MMP26: variants seen among roughly 807,000 people sequenced by gnomAD.
MMP26 encodes matrix metalloproteinase-26.
Under a neutral mutation model 31.0 loss-of-function variants are expected in MMP26, and 33 were observed. The observed-to-expected ratio is 1.06, with a 90% CI of 0.81 to 1.42. The LOEUF (loss-of-function observed/expected upper bound fraction) is 1.42. Among genes scored for constraint, MMP26 ranks in the 40% most tolerant of loss-of-function variants. MMP26 has a pLI of 0.00. For missense variants in MMP26, 347 were observed against 316.1 expected, an observed-to-expected ratio of 1.10 and a Z score of -0.74; for synonymous variants, 122 against 114.9, an observed-to-expected ratio of 1.06 and a Z score of -0.40.
chr11:4,727,077 T>C (rs1848110774), intron 1 of MMP26, among the ~76,000 whole-genome samples: 1 of 152,112 alleles, frequency 6.6e-6, no homozygotes, highest in African/African-American at 2.4e-5. Flanking sequence ...CTATTTTCTA[T>C]GATAAGAAAA....
chr11:4,989,582 C>G, intron 3 of MMP26, 66 bp from the exon 4 acceptor site: 1 of 1,320,658 alleles, frequency 7.6e-7, no homozygotes, highest in Non-Finnish European at 1.1e-6. Flanking sequence ...AGGCTATGCC[C>G]AGGGTAACTG....
chr11:4,908,426 G>T, intron 2 of MMP26: 4 of 842,522 alleles, frequency 4.7e-6, no homozygotes, highest in Non-Finnish European at 7.8e-6. Context: ...GAAAAGCTAT[G>T]TAGTGCAGAA....
intron 2 of MMP26, among the ~76,000 whole-genome samples, chr11:4,935,112 A>G (rs1267798059): frequency 6.0e-5 from 9 of 151,166 alleles, no homozygotes; most frequent in South Asian, 2.1e-4. Context: ...ATTCTGTGAA[A>G]AAAGTCATTG....
At chr11:4,790,517 C>G (rs60249619) in intron 2 of MMP26, among the ~76,000 whole-genome samples, 14,384 of 152,208 alleles carry the variant, frequency 0.095, 850 homozygotes, top group Middle Eastern at 0.15. Flanking sequence ...CCTCTTATTT[C>G]TTCCAGAAGA....
At chr11:4,814,750 G>A (rs548306691) in intron 2 of MMP26, among the ~76,000 whole-genome samples, 8 of 152,186 alleles carry the variant, frequency 5.3e-5, no homozygotes, top group East Asian at 3.9e-4. Context: ...CTCATCCACC[G>A]TATTAATAAA....
intron 2 of MMP26, chr11:4,915,695 C>A (rs760839757): frequency 6.7e-7 from 1 of 1,501,308 alleles, no homozygotes; most frequent in African/African-American, 1.4e-5. Flanking sequence ...AGGTGGGTGC[C>A]CTCCAAAATC....
chr11:4,963,485 T>C (rs543561804), intron 2 of MMP26, among the ~76,000 whole-genome samples: 2 of 152,148 alleles, frequency 1.3e-5, no homozygotes, highest in Non-Finnish European at 2.9e-5. Flanking sequence ...CTTCAAACTA[T>C]ACTACAAGGC....
chr11:4,863,394 T>C (rs1353853515), intron 2 of MMP26, among the ~76,000 whole-genome samples: 1 of 152,106 alleles, frequency 6.6e-6, no homozygotes, highest in Non-Finnish European at 1.5e-5. Context: ...CCATAGTATA[T>C]GTCTTCTTCT....
chr11:4,766,211 A>G (rs1848626921), intron 1 of MMP26, among the ~76,000 whole-genome samples: 1 of 152,140 alleles, frequency 6.6e-6, no homozygotes. Flanking sequence ...CACATTCCCA[A>G]CAGATTTATG....
intron 2 of MMP26, among the ~76,000 whole-genome samples, chr11:4,890,758 A>C (rs1481966381): frequency 6.6e-6 from 1 of 152,002 alleles, no homozygotes; most frequent in Non-Finnish European, 1.5e-5. Flanking sequence ...TTCTAAACAG[A>C]CTGTAATAAA....
intron 2 of MMP26, among the ~76,000 whole-genome samples, chr11:4,886,904 T>A (rs1319575767): frequency 1.3e-5 from 2 of 151,910 alleles, no homozygotes; most frequent in Non-Finnish European, 2.9e-5. Flanking sequence ...CATATGTGAT[T>A]TGTTTGCTTA....
chr11:4,907,353 C>G, intron 2 of MMP26: 659 of 1,439,220 alleles, frequency 4.6e-4, no homozygotes, highest in Non-Finnish European at 5.8e-4. Flanking sequence ...GGCTAACGAG[C>G]TCATATCTCC....
At chr11:4,915,367 A>G (rs1851066917) in intron 2 of MMP26, 5 of 1,614,106 alleles carry the variant, frequency 3.1e-6, no homozygotes, top group Non-Finnish European at 4.2e-6. Flanking sequence ...AGCAGGCATC[A>G]TGGCTAATTT....
At position 4,958,761 on chromosome 11, in the gene MMP26, C is replaced by T. The variant is rs371049346; in HGVS notation, c.-144-29307C>T. On this transcript the variant is annotated intron_variant, in intron 2 of 7. Transcript: ENST00000380390. Reference sequence around the variant, plus strand: ...CCTCTTGAGCTTTTGAATTGTTTTCCTTGAATTAAACTACATTTCCTCAGG... The same window carrying T: ...CCTCTTGAGCTTTTGAATTGTTTTCTTTGAATTAAACTACATTTCCTCAGG... Among the ~76,000 whole-genome samples, 29 of 152,194 alleles carry T rather than the reference C, an allele frequency of 1.9e-4. No homozygotes were observed. In the East Asian group the frequency reaches 3.5e-3, roughly 18 times the overall value.
chr11:4,989,518 A>G, intron 3 of MMP26, 130 bp from the exon 4 acceptor site: 2 of 648,782 alleles, frequency 3.1e-6, no homozygotes, highest in East Asian at 2.7e-5. Context: ...CTGACTGAGA[A>G]CAGGAGACTT....
Position 4,989,638 on chromosome 11 carries a change from T to C in MMP26, c.100-10T>C, listed in dbSNP as rs776385180. ...GACTCTTAGTACTCATCCTTCTTGA[T>C]CTGATTCAGGGCTATTTCCATCAAT... On this transcript the variant is annotated splice_polypyrimidine_tract_variant and intron_variant, in intron 3 of 7. Coordinates refer to ENST00000380390, the MANE Select transcript of MMP26 (RefSeq NM_021801.5). 4.4e-6 allele frequency: 7 copies of C among 1,606,740 alleles called. No homozygotes were observed. The African/African-American group carries it at 6.7e-5, about 15-fold the overall frequency.
At chr11:4,948,177 G>C (rs538325594) in intron 2 of MMP26, among the ~76,000 whole-genome samples, 1 of 124,624 alleles carries the variant, frequency 8.0e-6, no homozygotes, top group South Asian at 2.4e-4. Flanking sequence ...TCGGTAATAA[G>C]ACTTTATGTT....
At chr11:4,847,951 AATAAG>A (rs1849897839) in intron 2 of MMP26, 6 of 362,930 alleles carry the variant, frequency 1.7e-5, no homozygotes, top group Non-Finnish European at 2.5e-5. Flanking sequence ...GACTAACAAC[AATAAG>A]ATAACAACAG....
intron 2 of MMP26, among the ~76,000 whole-genome samples, chr11:4,780,914 T>C (rs1848850029): frequency 6.6e-6 from 1 of 151,854 alleles, no homozygotes; most frequent in African/African-American, 2.4e-5. Context: ...TATGTAAATT[T>C]ACATATTTAA....
Sources: gnomAD v4.1 joint callset for allele counts (sites outside exome capture counted in the v4.1 genomes callset) on GRCh38, gnomAD v4.1.1 for gene constraint, MANE v1.5 for transcripts, NCBI Gene and HGNC (gene_info 2026-07-23, HGNC 2026-07-21) for gene names.